Variants in SLC35F3 observed in about 807,000 individuals in gnomAD.
The protein encoded by SLC35F3 is solute carrier family 35 member F3, also known as putative thiamine transporter SLC35F3.
SLC35F3 carries 25 observed loss-of-function variants against 49.9 expected under a neutral mutation model. The observed-to-expected ratio is 0.50, with a 90% CI of 0.37 to 0.70. The LOEUF (loss-of-function observed/expected upper bound fraction) is 0.70, where lower values mean the gene tolerates loss of function less well. Ranked by LOEUF, SLC35F3 falls within the 30% of genes least tolerant of loss-of-function variation. The pLI, the probability that SLC35F3 is intolerant of heterozygous loss-of-function variation, is 0.00. For missense variants in SLC35F3, 525 were observed against 639.8 expected (o/e 0.82, Z 1.94); for synonymous variants, 275 against 265.4 (o/e 1.04, Z -0.35).
chr1:234,164,286 C>G (rs1422069117), intron 2 of SLC35F3, among the ~76,000 whole-genome samples: 1 of 151,348 alleles, frequency 6.6e-6, no homozygotes, highest in Non-Finnish European at 1.5e-5. Flanking sequence ...CTCCCATTCT[C>G]TCTCCCTCTT....
At chr1:233,996,878 G>A (rs569050669) in intron 2 of SLC35F3, among the ~76,000 whole-genome samples, 26 of 152,270 alleles carry the variant, frequency 1.7e-4, no homozygotes, top group African/African-American at 5.8e-4. Context: ...CTGGCAACTG[G>A]CAGAATGGGA....
chr1:234,156,246 C>A (rs907341608), intron 2 of SLC35F3, among the ~76,000 whole-genome samples: 6 of 151,930 alleles, frequency 3.9e-5, no homozygotes, highest in Admixed American at 3.9e-4. Context: ...CAGTAATACT[C>A]GGAGTCTGGG....
intron 2 of SLC35F3, among the ~76,000 whole-genome samples, chr1:234,198,132 T>G (rs187392389): frequency 6.6e-6 from 1 of 152,230 alleles, no homozygotes; most frequent in African/African-American, 2.4e-5. Context: ...AGGAAATACC[T>G]AGCACAGCAG....
At chr1:233,937,301 A>G (rs1662350626) in intron 2 of SLC35F3, among the ~76,000 whole-genome samples, 1 of 152,264 alleles carries the variant, frequency 6.6e-6, no homozygotes, top group African/African-American at 2.4e-5. Context: ...AAAGATCAGG[A>G]TACAAAAAGT....
chr1:233,995,237 A>G (rs577338780), intron 2 of SLC35F3, among the ~76,000 whole-genome samples: 1 of 152,220 alleles, frequency 6.6e-6, no homozygotes, highest in Non-Finnish European at 1.5e-5. Context: ...TGACATACAC[A>G]TTTTTCCAGA....
intron 2 of SLC35F3, among the ~76,000 whole-genome samples, chr1:233,998,577 A>G (rs1417448163): frequency 6.6e-6 from 1 of 150,768 alleles, no homozygotes; most frequent in African/African-American, 2.4e-5. Flanking sequence ...ATCATACGAG[A>G]TTATAAAAAA....
chr1:234,250,640 C>T (rs1453954093), intron 3 of SLC35F3, among the ~76,000 whole-genome samples: 3 of 127,564 alleles, frequency 2.4e-5, no homozygotes, highest in Non-Finnish European at 4.7e-5. Context: ...GGCGACAGAG[C>T]GAGACTCCGT....
intron 3 of SLC35F3, chr1:234,272,469 G>A (rs1486680551): frequency 1.3e-5 from 2 of 152,204 alleles, no homozygotes; most frequent in Non-Finnish European, 2.9e-5. Flanking sequence ...ATTTGAAATT[G>A]TTCTGAGATA....
chr1:234,287,404 C>T (rs1190107343), intron 3 of SLC35F3, among the ~76,000 whole-genome samples: 2 of 152,196 alleles, frequency 1.3e-5, no homozygotes, highest in Admixed American at 6.5e-5. Context: ...GATTTGGTTC[C>T]ACAACGGCCC....
intron 2 of SLC35F3, among the ~76,000 whole-genome samples, chr1:234,002,797 C>A (rs1403464468): frequency 6.6e-6 from 1 of 152,160 alleles, no homozygotes; most frequent in African/African-American, 2.4e-5. Context: ...ATTTCTTCTA[C>A]AAGGGAGAAT....
In SLC35F3 at chr1:234,323,148, G is replaced by A; in HGVS notation, c.1378G>A (p.Val460Met). 1 of 1,614,140 alleles carries A rather than the reference G, an allele frequency of 6.2e-7. No homozygotes were observed. Among genetic ancestry groups the A allele is most frequent in the Non-Finnish European group, 8.5e-7 (1 of 1,180,018 alleles). ...WLIKLLTRLK[V>M]RKKEEPAEGA... ...GATCAAGCTGCTCACCCGACTCAAAGTGAGGAAGAAGGAGGAGCCTGCAGA... is the reference window on the plus strand; with the variant it reads ...GATCAAGCTGCTCACCCGACTCAAAATGAGGAAGAAGGAGGAGCCTGCAGA... The change falls in exon 8 of 8, where the codon GTG becomes ATG. Residue 460 changes from valine to methionine, a missense_variant. Val to Met is a conservative substitution (Grantham distance 21). This residue lies in a region of SLC35F3 where 76 missense variants were observed against 95.6 expected (regional missense o/e 0.80). Coordinates refer to ENST00000366618, the MANE Select transcript of SLC35F3 (RefSeq NM_173508.4). The surrounding 1 kb of genome is among the most constrained non-coding windows in gnomAD (Gnocchi z 4.5).
intron 2 of SLC35F3, among the ~76,000 whole-genome samples, chr1:234,103,737 G>A (rs991272537): frequency 2.0e-5 from 3 of 152,096 alleles, no homozygotes; most frequent in East Asian, 3.8e-4. Context: ...CCATTAGCCC[G>A]CATTATTGTT....
At chr1:234,306,000 T>A (rs978687532) in intron 3 of SLC35F3, among the ~76,000 whole-genome samples, 2 of 152,206 alleles carry the variant, frequency 1.3e-5, no homozygotes, top group South Asian at 4.1e-4. Context: ...GTCAGTAATG[T>A]GGGCGTCAGT....
At chr1:234,000,428 C>G (rs1663533471) in intron 2 of SLC35F3, among the ~76,000 whole-genome samples, 1 of 152,170 alleles carries the variant, frequency 6.6e-6, no homozygotes, top group Non-Finnish European at 1.5e-5. Flanking sequence ...TAACAAGGCT[C>G]TCTGAAATCA....
chr1:233,908,800 C>G (rs986278540), intron 2 of SLC35F3, among the ~76,000 whole-genome samples: 1 of 144,674 alleles, frequency 6.9e-6, no homozygotes, highest in Non-Finnish European at 1.5e-5. Flanking sequence ...TCCCAAAGTG[C>G]TGGAATTACA....
At chr1:234,089,892 T>C (rs1352679264) in intron 2 of SLC35F3, among the ~76,000 whole-genome samples, 1 of 151,912 alleles carries the variant, frequency 6.6e-6, no homozygotes, top group African/African-American at 2.4e-5. Context: ...GATAGGAAAA[T>C]GTGAAAGATA....
At position 234,038,525 on chromosome 1, in the gene SLC35F3, T is replaced by C. The variant is rs544339549; in HGVS notation, c.283+132767T>C. Among the ~76,000 whole-genome samples, 184 of 152,236 alleles carry C rather than the reference T, an allele frequency of 1.2e-3. 1 individual carries two copies. The South Asian group carries it at 0.016, about 13-fold the overall frequency. On this transcript the variant is annotated intron_variant, in intron 2 of 7. Coordinates refer to ENST00000366618, the MANE Select transcript of SLC35F3 (RefSeq NM_173508.4). ...AATGGTATTTCTAGTTCTAGATCCCTGAGGAATCGCCACACTGACTTCCAC... is the reference window on the plus strand; with the variant it reads ...AATGGTATTTCTAGTTCTAGATCCCCGAGGAATCGCCACACTGACTTCCAC...
At chr1:234,193,467 C>G (rs1193163549) in intron 2 of SLC35F3, among the ~76,000 whole-genome samples, 1 of 152,088 alleles carries the variant, frequency 6.6e-6, no homozygotes, top group Non-Finnish European at 1.5e-5. Context: ...GGAACTAAAT[C>G]AAAGATCTGA....
chr1:233,948,864 A>G (rs1246945516), intron 2 of SLC35F3, among the ~76,000 whole-genome samples: 2 of 152,064 alleles, frequency 1.3e-5, no homozygotes, highest in African/African-American at 4.8e-5. Flanking sequence ...CGTTTCTATG[A>G]TAGACTTGCT....
Sources: allele counts gnomAD v4.1 joint callset (sites outside exome capture counted in the v4.1 genomes callset), GRCh38; gene constraint gnomAD v4.1.1; regional missense constraint gnomAD v4.1.1; non-coding constraint Gnocchi (gnomAD v3.1); transcripts MANE v1.5; gene names NCBI Gene and HGNC (gene_info 2026-07-23, HGNC 2026-07-21).